PRKCH: variants seen among roughly 807,000 people sequenced by gnomAD.
PRKCH encodes the protein protein kinase C eta type.
Under a neutral mutation model 82.5 loss-of-function variants are expected in PRKCH, and 28 were observed. The observed-to-expected ratio is 0.34, with a 90% CI of 0.25 to 0.47. The LOEUF (loss-of-function observed/expected upper bound fraction) is 0.47, where lower values mean the gene tolerates loss of function less well. PRKCH is among the 20% of genes least tolerant of loss of function. The pLI is 1.00. For missense variants in PRKCH, 705 were observed against 881.8 expected, an observed-to-expected ratio of 0.80 and a Z score of 2.54; for synonymous variants, 322 against 327.4, an observed-to-expected ratio of 0.98 and a Z score of 0.18.
chr14:61,197,942 C>G (rs1371306531), intron 1 of PRKCH, among the ~76,000 whole-genome samples: 1 of 152,116 alleles, frequency 6.6e-6, no homozygotes, highest in Non-Finnish European at 1.5e-5. Context: ...TCAGAATTGC[C>G]AATCAAATCC....
chr14:61,348,372 G>A (rs969012017), intron 1 of PRKCH, among the ~76,000 whole-genome samples: 1 of 152,174 alleles, frequency 6.6e-6, no homozygotes, highest in Non-Finnish European at 1.5e-5. Flanking sequence ...TGAGCCATTT[G>A]AACCGTGTGT....
intron 1 of PRKCH, among the ~76,000 whole-genome samples, chr14:61,214,664 C>T (rs558452523): frequency 1.3e-5 from 2 of 152,216 alleles, no homozygotes; most frequent in African/African-American, 2.4e-5. Context: ...CCCAACCTCA[C>T]CCTTCCCCAT....
chr14:61,328,452 G>A (rs189271735), intron 1 of PRKCH, among the ~76,000 whole-genome samples: 1 of 130,558 alleles, frequency 7.7e-6, no homozygotes, highest in East Asian at 3.1e-4. Context: ...TTAAAGTCAG[G>A]GCAGAAGCAA....
chr14:61,305,639 C>T (rs911218068), intron 1 of PRKCH: 2 of 152,260 alleles, frequency 1.3e-5, no homozygotes, highest in East Asian at 1.9e-4. Context: ...CTCTAACCAT[C>T]GAATAAATTT....
rs10483740 is a variant in PRKCH at position 61,521,513 on chromosome 14, T to C, written c.1434-7562T>C. Among the ~76,000 whole-genome samples, 3,151 of 152,140 alleles carry C rather than the reference T, an allele frequency of 0.021. 204 individuals are homozygous for C. The East Asian group carries it at 0.27, about 13-fold the overall frequency. On this transcript the variant is annotated intron_variant, in intron 10 of 13. Transcript: ENST00000332981. ...GAGAATTTAACCTGAAAATAATCCATTGGGTGATTCTGAATGTACAAGATT... is the reference window on the plus strand; with the variant it reads ...GAGAATTTAACCTGAAAATAATCCACTGGGTGATTCTGAATGTACAAGATT...
intron 1 of PRKCH, among the ~76,000 whole-genome samples, chr14:61,201,153 TG>T (rs1323814965): frequency 1.3e-5 from 2 of 152,206 alleles, no homozygotes; most frequent in African/African-American, 4.8e-5. Flanking sequence ...ACCTTCCTAA[TG>T]GATTCATTCA....
At chr14:61,241,084 T>C (rs1360499085) in intron 1 of PRKCH, among the ~76,000 whole-genome samples, 1 of 152,332 alleles carries the variant, frequency 6.6e-6, no homozygotes, top group Non-Finnish European at 1.5e-5. Context: ...TAAGTCAGGA[T>C]TCCCACAACG....
At chr14:61,360,160 G>A (rs986358581) in intron 1 of PRKCH, among the ~76,000 whole-genome samples, 21 of 152,192 alleles carry the variant, frequency 1.4e-4, no homozygotes, top group African/African-American at 4.6e-4. Flanking sequence ...GGGAAGAGAG[G>A]AATATGTCGT....
chr14:61,465,838 A>G (rs113752338), intron 9 of PRKCH, among the ~76,000 whole-genome samples: 1 of 152,260 alleles, frequency 6.6e-6, no homozygotes, highest in African/African-American at 2.4e-5. Flanking sequence ...TTAAATTGTC[A>G]GGTACCGTCG....
In PRKCH at chr14:61,377,595, T is replaced by G. The variant is rs141459996; in HGVS notation, c.364-13630T>G. Among the ~76,000 whole-genome samples, 235 of 152,310 alleles carry G rather than the reference T, an allele frequency of 1.5e-3. 2 individuals are homozygous for G. The highest frequency in any genetic ancestry group is 5.4e-3 in the African/African-American group (224 of 41,574). ...GCCATAAGGTCTCAATCACAGCTAC[T>G]CATCTTGTAGATAATATGTAACTAA... On this transcript the variant is annotated intron_variant, in intron 1 of 13. Transcript: ENST00000332981.
chr14:61,420,519 C>A (rs2140244922), intron 2 of PRKCH, among the ~76,000 whole-genome samples: 1 of 152,360 alleles, frequency 6.6e-6, no homozygotes, highest in South Asian at 2.1e-4. Context: ...GTCTCCCCGG[C>A]AGACTCATCC....
At chr14:61,414,968 C>T (rs141242233) in intron 2 of PRKCH, among the ~76,000 whole-genome samples, 5 of 152,144 alleles carry the variant, frequency 3.3e-5, no homozygotes, top group East Asian at 3.9e-4. Context: ...TAGAAGTGGG[C>T]GCCCATTCTC....
intron 10 of PRKCH, among the ~76,000 whole-genome samples, chr14:61,511,116 G>A (rs1482950191): frequency 6.6e-6 from 1 of 152,116 alleles, no homozygotes; most frequent in South Asian, 2.1e-4. Context: ...TCTTACTTTG[G>A]TTTAATGACT....
chr14:61,430,536 A>C lies in PRKCH; in HGVS notation c.428-12575A>C, dbSNP rs561721485. ...TATGATTTTGAACAGCCAGTGGAAT[A>C]AAAGAATAGGGACTATATCTGACCT... is the stretch of plus-strand genomic sequence containing the variant. On this transcript the variant is annotated intron_variant, in intron 2 of 13. Transcript: ENST00000332981. Among the ~76,000 whole-genome samples, 5 of 152,332 alleles carry C rather than the reference A, an allele frequency of 3.3e-5. No individual in the cohort carries two copies. In the East Asian group the frequency reaches 9.6e-4, roughly 29 times the overall value.
At chr14:61,437,181 C>T (rs1302730568) in intron 2 of PRKCH, among the ~76,000 whole-genome samples, 4 of 152,122 alleles carry the variant, frequency 2.6e-5, no homozygotes, top group African/African-American at 9.7e-5. Context: ...GTTTATCACG[C>T]GTCCTAATCT....
chr14:61,489,441 G>C lies in PRKCH; in HGVS notation c.1433+3785G>C, dbSNP rs369624166. Among the ~76,000 whole-genome samples the C allele has an allele frequency of 2.0e-5, 3 of 152,336 alleles. 1 individual carries two copies. The highest frequency in any genetic ancestry group is 6.5e-5 in the Admixed American group (1 of 15,302). On this transcript the variant is annotated intron_variant, in intron 10 of 13. Transcript: ENST00000332981. ...TTAGCTGCCTGTGCCTGTGCAAGAG[G>C]ACATGGGCCAGTTACGTTTGCACGC...
At chr14:61,295,016 C>T (rs2045395156) in intron 1 of PRKCH, among the ~76,000 whole-genome samples, 1 of 152,054 alleles carries the variant, frequency 6.6e-6, no homozygotes, top group Admixed American at 6.5e-5. Context: ...GGGACATGCA[C>T]CACTACTCCA....
intron 1 of PRKCH, among the ~76,000 whole-genome samples, chr14:61,365,710 A>G (rs2046289511): frequency 6.6e-6 from 1 of 152,040 alleles, no homozygotes; most frequent in African/African-American, 2.4e-5. Context: ...GCCTCCTACT[A>G]TGTACCAGGT....
intron 1 of PRKCH, among the ~76,000 whole-genome samples, chr14:61,260,414 C>T (rs1228976397): frequency 1.3e-5 from 2 of 152,102 alleles, no homozygotes; most frequent in Non-Finnish European, 2.9e-5. Context: ...ATCTCAGTAT[C>T]AATTCTTCCG....
Sources: gnomAD v4.1 joint callset for allele counts (sites outside exome capture counted in the v4.1 genomes callset) on GRCh38, gnomAD v4.1.1 for gene constraint, MANE v1.5 for transcripts, NCBI Gene and HGNC (gene_info 2026-07-23, HGNC 2026-07-21) for gene names.